Variants in GLI3 observed in about 807,000 individuals in gnomAD.
GLI3 encodes the protein transcription activator GLI3.
A neutral mutation model predicts 100.8 loss-of-function variants in GLI3; 20 were observed. That is an observed-to-expected ratio of 0.20 (90% CI 0.14 to 0.29). GLI3 has a LOEUF of 0.29. GLI3 is among the 10% of genes least tolerant of loss of function. The pLI is 1.00. For synonymous variants in GLI3, 938 were observed against 860.5 expected (o/e 1.09, Z -1.58); for missense variants, 2,040 against 2,128.5 (o/e 0.96, Z 0.82).
Position 41,964,197 on chromosome 7 carries a change from G to T in GLI3, c.*133C>A. The T allele has an allele frequency of 1.5e-6, 1 of 688,548 alleles. No homozygotes were observed. Among genetic ancestry groups the T allele is most frequent in the East Asian group, 2.8e-5 (1 of 35,948 alleles). The allele number at this position is 688,548 out of a possible 1,614,324, so 42.7% of individuals were successfully genotyped here. A position where few individuals can be genotyped will look rare whatever the true frequency, so the allele number is the denominator to read the frequency against. On this transcript the variant is annotated 3_prime_UTR_variant, in exon 15 of 15. Coordinates refer to ENST00000395925, the MANE Select transcript of GLI3 (RefSeq NM_000168.6). ...CCTTTTCCATAAAAGGAATATAATT[G>T]AAACACATCTCAGTTAGGTGAGATG...
At chr7:42,062,804 C>T (rs978322027) in intron 4 of GLI3, among the ~76,000 whole-genome samples, 2 of 151,978 alleles carry the variant, frequency 1.3e-5, no homozygotes, top group African/African-American at 4.8e-5. Flanking sequence ...CTAAATCCAG[C>T]CTTTCCATAT....
intron 4 of GLI3, among the ~76,000 whole-genome samples, chr7:42,053,303 T>C (rs1209095114): frequency 6.6e-6 from 1 of 152,146 alleles, no homozygotes; most frequent in African/African-American, 2.4e-5. Context: ...GGCCCAATTA[T>C]TGTGTTTTTA....
At chr7:42,183,139 G>T (rs572707658) in intron 2 of GLI3, among the ~76,000 whole-genome samples, 1 of 152,042 alleles carries the variant, frequency 6.6e-6, no homozygotes, top group Non-Finnish European at 1.5e-5. Flanking sequence ...CATGAGAATC[G>T]CTTGAACCCA....
chr7:41,998,387 C>A (rs1162366080), intron 10 of GLI3, among the ~76,000 whole-genome samples: 1 of 152,106 alleles, frequency 6.6e-6, no homozygotes, highest in Non-Finnish European at 1.5e-5. Flanking sequence ...TCAAAAGAAG[C>A]CCAAAATATG....
chr7:42,164,483 C>A (rs1411372819), intron 2 of GLI3, among the ~76,000 whole-genome samples: 1 of 151,968 alleles, frequency 6.6e-6, no homozygotes, highest in Non-Finnish European at 1.5e-5. Flanking sequence ...CATGCCACTG[C>A]ACTCTAGCCT....
intron 10 of GLI3, among the ~76,000 whole-genome samples, chr7:41,990,865 AGTGTGTGTGTGTGTGTGT>A (rs57245025): frequency 7.0e-6 from 1 of 142,750 alleles, no homozygotes; most frequent in Non-Finnish European, 1.5e-5. Context: ...GATTAAGGCA[AGTGTGTGTGTGTGTGTGT>A]GTGTGTGTGT....
chr7:42,188,046 A>T (rs901215202), intron 2 of GLI3, among the ~76,000 whole-genome samples: 2 of 151,822 alleles, frequency 1.3e-5, no homozygotes, highest in African/African-American at 4.8e-5. Flanking sequence ...AAATACACAT[A>T]GAGGGGAGAA....
At chr7:42,258,866 G>A (rs76734197) in intron 1 of GLI3, among the ~76,000 whole-genome samples, 3,129 of 152,284 alleles carry the variant, frequency 0.021, 112 homozygotes, top group African/African-American at 0.072. Flanking sequence ...GAATTTTGGG[G>A]GGACACAAAC....
At chr7:42,142,960 T>TATG (rs1786608869) in intron 3 of GLI3, among the ~76,000 whole-genome samples, 1 of 142,268 alleles carries the variant, frequency 7.0e-6, no homozygotes, top group Non-Finnish European at 1.5e-5. Flanking sequence ...AAAAAAAGGC[T>TATG]ATGTAAGTGG....
intron 2 of GLI3, among the ~76,000 whole-genome samples, chr7:42,163,092 T>C (rs1039703421): frequency 4.7e-5 from 7 of 149,906 alleles, no homozygotes; most frequent in African/African-American, 9.8e-5. Context: ...CAAACACTGA[T>C]CTTTTGCAAT....
intron 2 of GLI3, chr7:42,152,590 C>A (rs1267055906): frequency 1.7e-5 from 3 of 175,276 alleles, no homozygotes; most frequent in African/African-American, 7.2e-5. Context: ...CCTATTCAAG[C>A]CTCTCTCTCC....
intron 2 of GLI3, among the ~76,000 whole-genome samples, chr7:42,190,458 T>G (rs1787804683): frequency 6.6e-6 from 1 of 152,210 alleles, no homozygotes; most frequent in South Asian, 2.1e-4. Context: ...TTTAAAATCC[T>G]GATTAAATAT....
chr7:42,092,999 A>G (rs1314459195), intron 3 of GLI3, among the ~76,000 whole-genome samples: 5 of 151,838 alleles, frequency 3.3e-5, no homozygotes, highest in Admixed American at 3.3e-4. Flanking sequence ...TTTTTACCAG[A>G]GACGAGGTTT....
intron 3 of GLI3, among the ~76,000 whole-genome samples, chr7:42,097,745 G>C (rs1785371400): frequency 6.6e-6 from 1 of 152,126 alleles, no homozygotes; most frequent in South Asian, 2.1e-4. Context: ...GTGTAATTCT[G>C]CAGAACTTGG....
intron 3 of GLI3, among the ~76,000 whole-genome samples, chr7:42,134,941 T>C (rs1786390027): frequency 6.6e-6 from 1 of 152,088 alleles, no homozygotes; most frequent in African/African-American, 2.4e-5. Flanking sequence ...TCAGAGTCCA[T>C]AAATTTGATA....
chr7:42,162,708 G>C (rs1583611674), intron 2 of GLI3, among the ~76,000 whole-genome samples: 1 of 152,096 alleles, frequency 6.6e-6, no homozygotes, highest in African/African-American at 2.4e-5. Flanking sequence ...AAAAATCTTA[G>C]TATGGACCAG....
chr7:42,140,160 CCTT>C (rs1300178243), intron 3 of GLI3, among the ~76,000 whole-genome samples: 3 of 152,220 alleles, frequency 2.0e-5, no homozygotes, highest in African/African-American at 7.2e-5. Flanking sequence ...CTCCGGGAGG[CCTT>C]CTGGACTGCC....
chr7:42,043,944 T>C (rs1784193319), intron 6 of GLI3, among the ~76,000 whole-genome samples: 1 of 152,206 alleles, frequency 6.6e-6, no homozygotes, highest in African/African-American at 2.4e-5. Context: ...CTCTCTATGC[T>C]AAAAAGCCAA....
chr7:42,017,830 A>G (rs919758774), intron 10 of GLI3, among the ~76,000 whole-genome samples: 5 of 152,300 alleles, frequency 3.3e-5, no homozygotes, highest in Non-Finnish European at 7.3e-5. Flanking sequence ...CGAAACACAC[A>G]CATAAAACAA....
Sources: allele counts gnomAD v4.1 joint callset (sites outside exome capture counted in the v4.1 genomes callset), GRCh38; gene constraint gnomAD v4.1.1; transcripts MANE v1.5; gene names NCBI Gene and HGNC (gene_info 2026-07-23, HGNC 2026-07-21).